Variants in SLC17A1 observed in about 807,000 individuals in gnomAD.
SLC17A1 encodes the protein solute carrier family 17 member 1.
In SLC17A1, 51 loss-of-function variants were observed where a neutral mutation model predicts 53.5. That is an observed-to-expected ratio of 0.95 (90% CI 0.76 to 1.20). The LOEUF is 1.20. Ranked by LOEUF, SLC17A1 falls within the 50% of genes most tolerant of loss-of-function variation. The pLI is 0.00. For synonymous variants in SLC17A1, 179 were observed against 198.8 expected (o/e 0.90, Z 0.84); for missense variants, 538 against 568.2 (o/e 0.95, Z 0.54).
chr6:25,760,975 T>A, the SLC17A1 span, among the ~76,000 whole-genome samples: 1,654 of 152,322 alleles, frequency 0.011, 18 homozygotes, highest in Middle Eastern at 0.031. Context: ...TTTGGATGGA[T>A]CACTTTTTTG....
At chr6:25,761,109 T>C in the SLC17A1 span, among the ~76,000 whole-genome samples, 1 of 152,202 alleles carries the variant, frequency 6.6e-6, no homozygotes, top group Admixed American at 6.5e-5. Flanking sequence ...TAGCTGGGGA[T>C]GAGTTCTCAG....
At chr6:25,781,388 T>C (rs757134086), downstream of SLC17A1, among the ~76,000 whole-genome samples, 1 of 152,100 alleles carries the variant, frequency 6.6e-6, no homozygotes, top group Non-Finnish European at 1.5e-5. Flanking sequence ...TAGTTACCAA[T>C]GCCAAATTTG....
chr6:25,726,160 C>T, the SLC17A1 span: 5 of 1,567,986 alleles, frequency 3.2e-6, 1 homozygote, highest in Admixed American at 3.7e-5. Flanking sequence ...ATGGTGGTGA[C>T]TCTCAGTCTT....
At chr6:25,731,100 A>C in the SLC17A1 span, among the ~76,000 whole-genome samples, 2 of 152,262 alleles carry the variant, frequency 1.3e-5, no homozygotes, top group South Asian at 4.1e-4. Context: ...ATAATTCTTA[A>C]GCGGCTAAGC....
At position 25,783,128 on chromosome 6, in the gene SLC17A1, G is replaced by C. The variant is rs1282023682; in HGVS notation, c.*93C>G. On this transcript the variant is annotated 3_prime_UTR_variant, in exon 13 of 13. Transcript: ENST00000244527. The stretch of plus-strand genomic sequence containing the variant: ...TCCTACCACCTTCTTCCTGGTGCTG[G>C]TGACTGCCCCTCAGCCTCAGCCTCA... The C allele has an allele frequency of 6.6e-6, 1 of 152,192 alleles. No homozygotes were observed. Among genetic ancestry groups the C allele is most frequent in the Non-Finnish European group, 1.5e-5 (1 of 68,054 alleles). 9.4% of individuals were successfully genotyped at this position (152,192 alleles called of 1,614,324 possible). A position where few individuals can be genotyped will look rare whatever the true frequency, so the allele number is the denominator to read the frequency against.
At chr6:25,791,725 T>C (rs1763504158) in intron 12 of SLC17A1, among the ~76,000 whole-genome samples, 1 of 152,218 alleles carries the variant, frequency 6.6e-6, no homozygotes, top group South Asian at 2.1e-4. Flanking sequence ...TTTAAGTGGT[T>C]AACACAGAAA....
chr6:25,754,584 T>C, the SLC17A1 span: 1 of 152,306 alleles, frequency 6.6e-6, no homozygotes, highest in South Asian at 2.1e-4. Context: ...GAAGATTTAA[T>C]GAGCTTGATT....
chr6:25,792,408 A>T (rs780329493), intron 12 of SLC17A1, among the ~76,000 whole-genome samples: 1 of 152,188 alleles, frequency 6.6e-6, no homozygotes, highest in Non-Finnish European at 1.5e-5. Flanking sequence ...CAGGCGAATC[A>T]CTTGAGGTTA....
downstream of SLC17A1, chr6:25,778,045 A>C (rs371300282): frequency 4.1e-5 from 65 of 1,575,642 alleles, no homozygotes; most frequent in Non-Finnish European, 5.6e-5. Flanking sequence ...ATGAATATTC[A>C]TAAAAGAAAC....
chr6:25,796,216 T>G (rs1054963458), intron 12 of SLC17A1, among the ~76,000 whole-genome samples: 1 of 152,202 alleles, frequency 6.6e-6, no homozygotes, highest in African/African-American at 2.4e-5. Flanking sequence ...TTTGTATTTT[T>G]AAACTGCTGG....
the SLC17A1 span, among the ~76,000 whole-genome samples, chr6:25,730,874 G>A: frequency 3.9e-5 from 6 of 152,278 alleles, no homozygotes; most frequent in Admixed American, 2.6e-4. Flanking sequence ...AAATGTTAGC[G>A]GTGGAGATGG....
chr6:25,728,185 T>C, the SLC17A1 span, among the ~76,000 whole-genome samples: 1 of 152,160 alleles, frequency 6.6e-6, no homozygotes, highest in Non-Finnish European at 1.5e-5. Flanking sequence ...TTAGAGGAAG[T>C]TACGTTTTGT....
chr6:25,747,652 C>T, the SLC17A1 span, among the ~76,000 whole-genome samples: 3 of 152,200 alleles, frequency 2.0e-5, no homozygotes, highest in Non-Finnish European at 4.4e-5. Context: ...GGCTGGATTC[C>T]TCATGAATGA....
At chr6:25,809,338 A>G (rs1213128722) in intron 10 of SLC17A1, among the ~76,000 whole-genome samples, 1 of 152,074 alleles carries the variant, frequency 6.6e-6, no homozygotes, top group Non-Finnish European at 1.5e-5. Flanking sequence ...AAACTTCACC[A>G]CTACATAATA....
At chr6:25,765,366 A>G in the SLC17A1 span, among the ~76,000 whole-genome samples, 2 of 152,190 alleles carry the variant, frequency 1.3e-5, no homozygotes, top group African/African-American at 4.8e-5. Flanking sequence ...CATCATCCCC[A>G]TTTTGTAGGA....
chr6:25,755,915 T>C, the SLC17A1 span, among the ~76,000 whole-genome samples: 1 of 152,220 alleles, frequency 6.6e-6, no homozygotes, highest in Admixed American at 6.5e-5. Context: ...TGATGATTCT[T>C]CCCTTTCTCT....
chr6:25,826,656 G>A (rs772258469), intron 2 of SLC17A1, 23 bp from the exon 3 acceptor site: 99 of 1,528,114 alleles, frequency 6.5e-5, no homozygotes, highest in Non-Finnish European at 8.1e-5. Flanking sequence ...ACAGAAAGTC[G>A]CAATTGCTGA....
the SLC17A1 span, among the ~76,000 whole-genome samples, chr6:25,736,381 T>C: frequency 6.6e-6 from 1 of 152,222 alleles, no homozygotes; most frequent in African/African-American, 2.4e-5. Flanking sequence ...TCTTTAACCA[T>C]GGCCCCGTAT....
the SLC17A1 span, chr6:25,771,053 C>G: frequency 2.7e-6 from 4 of 1,462,632 alleles, no homozygotes; most frequent in Non-Finnish European, 3.8e-6. Context: ...ATGACAGAGA[C>G]TTCTGTGATG....
Sources: allele counts gnomAD v4.1 joint callset (sites outside exome capture counted in the v4.1 genomes callset), GRCh38; gene constraint gnomAD v4.1.1; transcripts MANE v1.5; gene names NCBI Gene and HGNC (gene_info 2026-07-23, HGNC 2026-07-21).